NAA25: variants seen among roughly 807,000 people sequenced by gnomAD.
NAA25 encodes N-terminal acetyltransferase B complex subunit NAA25.
A neutral mutation model predicts 132.5 loss-of-function variants in NAA25; 30 were observed. That is an observed-to-expected ratio of 0.23 (90% CI 0.17 to 0.31). The LOEUF (loss-of-function observed/expected upper bound fraction) is 0.31. Ranked by LOEUF, NAA25 falls within the 10% of genes least tolerant of loss-of-function variation. The pLI is 1.00. For synonymous variants in NAA25, 359 were observed against 401.9 expected (o/e 0.89, Z 1.28); for missense variants, 771 against 1,150.4 (o/e 0.67, Z 4.77).
At position 112,047,778 on chromosome 12, in the gene NAA25, T is replaced by C. The variant is rs2078409730; in HGVS notation, c.1893A>G (p.Leu631=). The C allele has an allele frequency of 6.2e-7, 1 of 1,607,330 alleles. No homozygotes were observed. The highest frequency in any genetic ancestry group is 1.3e-5 in the African/African-American group (1 of 74,534). Residue 631 remains leucine (L), a synonymous_variant, in exon 17 of 24, where the codon TTA becomes TTG. Transcript: ENST00000261745. The part of the protein sequence containing the change: ...LLLEANISTS[L]AESIKSMNLR... Reference sequence around the variant, plus strand: ...GGTTCATTGACTTTATACTTTCTGCTAAACTGGTTGATCTGTGATAGAGAA... The same window carrying C: ...GGTTCATTGACTTTATACTTTCTGCCAAACTGGTTGATCTGTGATAGAGAA...
At chr12:112,098,328 G>T (rs2079245296) in intron 1 of NAA25, among the ~76,000 whole-genome samples, 1 of 151,972 alleles carries the variant, frequency 6.6e-6, no homozygotes, top group Non-Finnish European at 1.5e-5. Context: ...TTCTTCACCT[G>T]AAAGAGTTTA....
intron 1 of NAA25, 89 bp from the exon 2 acceptor site, chr12:112,093,225 A>C (rs2079162325): frequency 1.2e-6 from 1 of 821,768 alleles, no homozygotes; most frequent in African/African-American, 1.7e-5. Context: ...TATTTTGGAA[A>C]ATATCTTAAT....
intron 5 of NAA25, 51 bp downstream of exon 5, chr12:112,081,009 T>C (rs749417898): frequency 7.0e-7 from 1 of 1,438,286 alleles, no homozygotes; most frequent in Admixed American, 1.7e-5. Context: ...GGACAATAAC[T>C]ATATAAAAAA....
chr12:112,057,143 G>A lies in NAA25; in HGVS notation c.1448-2575C>T, dbSNP rs147078548. On this transcript the variant is annotated intron_variant, in intron 13 of 23. Transcript: ENST00000261745. ...GCAGAGGTTGCAGTGAGCCAAGATC[G>A]CACCAATGCACTCCAGCCCTGGCAA... Among the ~76,000 whole-genome samples the A allele has an allele frequency of 3.6e-3, 549 of 152,104 alleles. 4 individuals carry two copies. Among genetic ancestry groups the A allele is most frequent in the Middle Eastern group, 0.017 (5 of 294 alleles).
intron 4 of NAA25, among the ~76,000 whole-genome samples, chr12:112,083,983 G>C (rs908121030): frequency 5.3e-5 from 8 of 152,164 alleles, no homozygotes; most frequent in Non-Finnish European, 1.5e-5. Flanking sequence ...TATAACATTA[G>C]AATATGAATT....
chr12:112,043,678 G>C lies in NAA25; in HGVS notation c.2197C>G (p.Gln733Glu). Residue 733 changes from glutamine (Q) to glutamate (E), a missense_variant, in exon 18 of 24, where the codon CAG (glutamine) becomes GAG (glutamate). Gln to Glu is a conservative substitution (Grantham distance 29, BLOSUM62 2). Transcript: ENST00000261745. ...CCTGTCTCCAGGGTTGCCTCCAGCT[G>C]TTGAAGGAGCAAACGAAGAATATCA... ...RIDILRLLLQ[Q>E]LEATLETGKR... is the part of the protein sequence containing the mutation. The C allele has an allele frequency of 5.6e-6, 9 of 1,614,204 alleles. 1 individual carries two copies. In the South Asian group the frequency reaches 9.9e-5, roughly 18 times the overall value.
At chr12:112,076,945 G>A (rs2078902556) in intron 7 of NAA25, among the ~76,000 whole-genome samples, 1 of 152,088 alleles carries the variant, frequency 6.6e-6, no homozygotes, top group African/African-American at 2.4e-5. Flanking sequence ...GCAGTGAGCT[G>A]TGATGATGCC....
rs141325658 is a variant in NAA25 at position 112,029,456 on chromosome 12, C to T, written c.*75G>A. ...GTTCTGGATTAAAATCATGGTCAAC[C>T]AGATGTTGCTTTTGCCTGGGAAGAT... On this transcript the variant is annotated 3_prime_UTR_variant, in exon 24 of 24. Transcript: ENST00000261745. The T allele has an allele frequency of 4.1e-4, 648 of 1,599,510 alleles. No individual in the cohort carries two copies. The African/African-American group carries it at 7.0e-3, about 17-fold the overall frequency.
Position 112,043,615 on chromosome 12 carries a change from T to C in NAA25, c.2250+10A>G. The stretch of plus-strand genomic sequence containing the variant: ...TTGCAACTTTGATGGTAAATATGTA[T>C]TGATGGTACCTGAATATCCTTCTCA... On this transcript the variant is annotated intron_variant, in intron 18 of 23. Transcript: ENST00000261745. 6.2e-7 allele frequency: 1 copy of C among 1,613,656 alleles called. No individual in the cohort carries two copies. The highest frequency in any genetic ancestry group is 8.5e-7 in the Non-Finnish European group (1 of 1,179,660).
intron 17 of NAA25, among the ~76,000 whole-genome samples, chr12:112,045,538 T>C (rs1466068012): frequency 1.3e-5 from 2 of 148,766 alleles, no homozygotes; most frequent in African/African-American, 4.9e-5. Context: ...CTCACACCTA[T>C]AATCACAGCA....
At chr12:112,101,779 G>T (rs80103503) in intron 1 of NAA25, among the ~76,000 whole-genome samples, 1 of 150,550 alleles carries the variant, frequency 6.6e-6, no homozygotes, top group South Asian at 2.1e-4. Flanking sequence ...AAAAAAAAAA[G>T]ATAATACAAA....
chr12:112,029,318 C>A lies in NAA25; in HGVS notation c.*213G>T. On this transcript the variant is annotated 3_prime_UTR_variant, in exon 24 of 24. Coordinates refer to ENST00000261745, the MANE Select transcript of NAA25 (RefSeq NM_024953.4). ...CATATGAACATGTATAAAAAGTGGTCAAACCCAGATGAGGGTCCCGCTTCT... is the reference window on the plus strand; with the variant it reads ...CATATGAACATGTATAAAAAGTGGTAAAACCCAGATGAGGGTCCCGCTTCT... The A allele has an allele frequency of 1.5e-6, 1 of 670,384 alleles. No homozygotes were observed. The highest frequency in any genetic ancestry group is 2.4e-6 in the Non-Finnish European group (1 of 423,708). The allele number at this position is 670,384 out of a possible 1,614,324, so 41.5% of individuals were successfully genotyped here.
In NAA25 at chr12:112,108,751, T is replaced by G; in HGVS notation, c.23A>C (p.Gln8Pro). The G allele has an allele frequency of 1.3e-6, 2 of 1,529,706 alleles. No homozygotes were observed. The highest frequency in any genetic ancestry group is 2.6e-5 in the East Asian group (1 of 38,004). 94.8% of individuals were successfully genotyped at this position (1,529,706 alleles called of 1,614,324 possible). A position where few individuals can be genotyped will look rare whatever the true frequency, so the allele number is the denominator to read the frequency against. ...CCGGAGGCGCCTGTCGTTAGGGTCC[T>G]GCACATGGCCCCGCGTCGCCATGAT... MATRGHV[Q>P]DPNDRRLRPI... is the part of the protein sequence containing the mutation. Residue 8 changes from glutamine to proline, a missense_variant, in exon 1 of 24, where the codon CAG becomes CCG. Coordinates refer to ENST00000261745, the MANE Select transcript of NAA25 (RefSeq NM_024953.4).
At chr12:112,053,096 T>A (rs2078490799) in intron 15 of NAA25, among the ~76,000 whole-genome samples, 1 of 152,236 alleles carries the variant, frequency 6.6e-6, no homozygotes, top group South Asian at 2.1e-4. Context: ...TTTCTCGGAA[T>A]GCCTTTTAAT....
At chr12:112,086,071 TATACAC>T (rs1262000738) in intron 4 of NAA25, among the ~76,000 whole-genome samples, 2 of 53,652 alleles carry the variant, frequency 3.7e-5, no homozygotes, top group African/African-American at 1.4e-4. Context: ...TATATATATA[TATACAC>T]ACACACACAC....
chr12:112,108,631 C>T (rs1175483781), intron 1 of NAA25, 85 bp downstream of exon 1: 9 of 1,245,286 alleles, frequency 7.2e-6, no homozygotes, highest in East Asian at 3.3e-5. Context: ...CGCGCCGGCC[C>T]TCAGCACCCC....
intron 1 of NAA25, among the ~76,000 whole-genome samples, chr12:112,099,146 C>T (rs1231705377): frequency 6.6e-6 from 1 of 152,030 alleles, no homozygotes. Flanking sequence ...ACCACCACAC[C>T]CAGCTAATTT....
chr12:112,076,736 T>C (rs1302958340), intron 7 of NAA25, among the ~76,000 whole-genome samples: 3 of 150,224 alleles, frequency 2.0e-5, no homozygotes, highest in Admixed American at 6.6e-5. Context: ...GTCACACCTG[T>C]AGTAATCCCA....
Position 112,029,551 on chromosome 12 carries a change from T to C in NAA25, c.2899A>G (p.Thr967Ala), listed in dbSNP as rs748275092. 10 of 1,614,124 alleles carry C rather than the reference T, an allele frequency of 6.2e-6. No individual in the cohort carries two copies. Among genetic ancestry groups the C allele is most frequent in the Non-Finnish European group, 6.8e-6 (8 of 1,180,002 alleles). Residue 967 changes from threonine to alanine, a missense_variant, in exon 24 of 24, where the codon ACA (threonine) becomes GCA (alanine). This residue lies in a region of NAA25 where 324 missense variants were observed against 400.0 expected (regional missense o/e 0.81). Transcript: ENST00000261745. ...GELLKKRLET[T>A]KKLKI ...CTTCCTTAAATTTTTAGTTTCTTTG[T>C]GGTCTCAAGTCTTTTTTTCAGCAGC...
Sources: gnomAD v4.1 joint callset for allele counts (sites outside exome capture counted in the v4.1 genomes callset) on GRCh38, gnomAD v4.1.1 for gene constraint, gnomAD v4.1.1 regional missense constraint, MANE v1.5 for transcripts, NCBI Gene and HGNC (gene_info 2026-07-23, HGNC 2026-07-21) for gene names.